Variants in CNTN5 observed in about 807,000 individuals in gnomAD.
CNTN5 encodes the protein contactin 5, also known as contactin-5.
CNTN5 carries 77 observed loss-of-function variants against 129.1 expected under a neutral mutation model. The observed-to-expected ratio is 0.60, with a 90% CI of 0.50 to 0.72. The LOEUF is 0.72. Ranked by LOEUF, CNTN5 falls within the 30% of genes least tolerant of loss-of-function variation. The pLI is 0.00. For missense variants in CNTN5, 1,478 were observed against 1,328.8 expected (o/e 1.11, Z -1.75); for synonymous variants, 509 against 465.6 (o/e 1.09, Z -1.20).
intron 1 of CNTN5, among the ~76,000 whole-genome samples, chr11:99,312,252 T>C (rs935242307): frequency 2.0e-5 from 3 of 152,182 alleles, no homozygotes; most frequent in Non-Finnish European, 4.4e-5. Flanking sequence ...AGTGGCAGTG[T>C]TTGAGAGGGA....
At chr11:100,059,237 G>C (rs78441517) in intron 9 of CNTN5, among the ~76,000 whole-genome samples, 4,749 of 152,072 alleles carry the variant, frequency 0.031, 116 homozygotes, top group African/African-American at 0.073. Flanking sequence ...AACAAATATA[G>C]TCCAGTTGGG....
chr11:99,934,947 T>TAC (rs376959710), intron 7 of CNTN5, among the ~76,000 whole-genome samples: 6 of 79,120 alleles, frequency 7.6e-5, no homozygotes, highest in African/African-American at 3.6e-4. Context: ...TATATATATA[T>TAC]ACACACACAT....
intron 14 of CNTN5, among the ~76,000 whole-genome samples, chr11:100,192,674 C>A (rs1948527034): frequency 6.6e-6 from 1 of 151,990 alleles, no homozygotes; most frequent in South Asian, 2.1e-4. Context: ...AACACATCAT[C>A]TTGTAATCAG....
At chr11:99,706,915 C>G (rs1009729592) in intron 3 of CNTN5, among the ~76,000 whole-genome samples, 2 of 149,534 alleles carry the variant, frequency 1.3e-5, no homozygotes, top group Non-Finnish European at 3.0e-5. Context: ...GTTTGAAGTT[C>G]ACAAAGTGTA....
chr11:99,868,828 A>G (rs1948425475), intron 6 of CNTN5, among the ~76,000 whole-genome samples: 1 of 152,220 alleles, frequency 6.6e-6, no homozygotes, highest in Non-Finnish European at 1.5e-5. Flanking sequence ...CACATTCATC[A>G]GCAAATAAGA....
chr11:99,053,760 T>A (rs2135184389), intron 1 of CNTN5, among the ~76,000 whole-genome samples: 1 of 152,090 alleles, frequency 6.6e-6, no homozygotes, highest in African/African-American at 2.4e-5. Context: ...CCTAACAAGA[T>A]AAAACCATTA....
intron 3 of CNTN5, among the ~76,000 whole-genome samples, chr11:99,722,002 G>A (rs1943189061): frequency 6.6e-6 from 1 of 152,150 alleles, no homozygotes; most frequent in Non-Finnish European, 1.5e-5. Context: ...TGGGGTTGCT[G>A]AGAAAAGGGG....
chr11:99,071,894 T>C (rs953510722), intron 1 of CNTN5, among the ~76,000 whole-genome samples: 7 of 151,800 alleles, frequency 4.6e-5, no homozygotes, highest in Non-Finnish European at 1.0e-4. Flanking sequence ...AACCTTCCCA[T>C]AAGAAAAGTT....
At chr11:99,257,567 T>G (rs183464817) in intron 1 of CNTN5, among the ~76,000 whole-genome samples, 129 of 152,210 alleles carry the variant, frequency 8.5e-4, no homozygotes, top group African/African-American at 2.8e-3. Flanking sequence ...AAAAAAGGTG[T>G]AATTTTTTAT....
intron 3 of CNTN5, among the ~76,000 whole-genome samples, chr11:99,568,432 T>C (rs1012843449): frequency 6.6e-6 from 1 of 152,232 alleles, no homozygotes; most frequent in Non-Finnish European, 1.5e-5. Flanking sequence ...TAAAATATGC[T>C]TGCTTATGGT....
intron 13 of CNTN5, among the ~76,000 whole-genome samples, chr11:100,158,861 A>C (rs12278320): frequency 0.016 from 2,368 of 152,016 alleles, 67 homozygotes; most frequent in African/African-American, 0.054. Flanking sequence ...GTACATGTGC[A>C]TACAACAATG....
At chr11:99,826,709 C>G (rs1177440483) in intron 4 of CNTN5, among the ~76,000 whole-genome samples, 2 of 152,134 alleles carry the variant, frequency 1.3e-5, no homozygotes, top group Non-Finnish European at 2.9e-5. Context: ...ATAGTTGTAG[C>G]AAAGTATGAA....
Position 99,132,650 on chromosome 11 carries a change from C to A in CNTN5, c.-210+111380C>A, listed in dbSNP as rs148608885. Among the ~76,000 whole-genome samples the A allele has an allele frequency of 8.5e-3, 1,287 of 152,156 alleles. 22 individuals are homozygous for A. The highest frequency in any genetic ancestry group is 0.029 in the African/African-American group (1,195 of 41,514). ...GCCAAATCATGAATGAACTCCCATTCATAATTGCCACAAAAAGAATAAAAT... is the reference window on the plus strand; with the variant it reads ...GCCAAATCATGAATGAACTCCCATTAATAATTGCCACAAAAAGAATAAAAT... On this transcript the variant is annotated intron_variant, in intron 1 of 24. Coordinates refer to ENST00000524871, the MANE Select transcript of CNTN5 (RefSeq NM_014361.4).
chr11:99,434,504 T>C (rs945860287), intron 2 of CNTN5, among the ~76,000 whole-genome samples: 5 of 152,158 alleles, frequency 3.3e-5, no homozygotes, highest in Admixed American at 1.3e-4. Context: ...ATGCATAGCT[T>C]TTAATTTTCT....
rs1420866804 is a variant in CNTN5 at position 99,645,259 on chromosome 11, CAACAAAAAA to C, written c.55+88993_55+89001del. Among the ~76,000 whole-genome samples the C allele has an allele frequency of 8.7e-4, 59 of 67,918 alleles. 1 individual carries two copies. The highest frequency in any genetic ancestry group is 3.6e-3 in the African/African-American group (57 of 15,836). The allele number at this position is 67,918 out of a possible 152,430, so 44.6% of individuals were successfully genotyped here. ...TGGGCAACAGAGCGAGGCTCCATCT[CAACAAAAAA>C]AAAAAAAAAAAAAAAAAAAGATTGA... On this transcript the variant is annotated intron_variant, in intron 3 of 24. Transcript: ENST00000524871.
At position 99,666,270 on chromosome 11, in the gene CNTN5, AT is replaced by A. The variant is rs1230441614; in HGVS notation, c.55+110003del. 3.9e-5 allele frequency among the ~76,000 whole-genome samples: 6 copies of A among 152,156 alleles called. 1 individual carries two copies. Among genetic ancestry groups the A allele is most frequent in the Non-Finnish European group, 7.4e-5 (5 of 68,014 alleles). Reference sequence around the variant, plus strand: ...GGCATGAGCCACTGCGGCCAGTCAAATTCTTAACTTTTAACTTAAAAAGTTA... The same window carrying A: ...GGCATGAGCCACTGCGGCCAGTCAAATCTTAACTTTTAACTTAAAAAGTTA... On this transcript the variant is annotated intron_variant, in intron 3 of 24. Coordinates refer to ENST00000524871, the MANE Select transcript of CNTN5 (RefSeq NM_014361.4).
At chr11:99,887,725 A>C (rs1378243759) in intron 6 of CNTN5, among the ~76,000 whole-genome samples, 2 of 152,226 alleles carry the variant, frequency 1.3e-5, no homozygotes, top group Non-Finnish European at 2.9e-5. Context: ...AAGCTGAAGA[A>C]CTTGGAGTCT....
intron 1 of CNTN5, among the ~76,000 whole-genome samples, chr11:99,200,542 T>G (rs942081296): frequency 6.6e-6 from 1 of 152,224 alleles, no homozygotes; most frequent in African/African-American, 2.4e-5. Flanking sequence ...TAATTATTAC[T>G]GTGGCTGCAC....
chr11:99,082,311 A>G (rs557581225), intron 1 of CNTN5, among the ~76,000 whole-genome samples: 14 of 151,302 alleles, frequency 9.3e-5, no homozygotes, highest in African/African-American at 3.4e-4. Flanking sequence ...TCAGGCTGTG[A>G]GTAGCTGGGA....
Sources: gnomAD v4.1 joint callset for allele counts (sites outside exome capture counted in the v4.1 genomes callset) on GRCh38, gnomAD v4.1.1 for gene constraint, MANE v1.5 for transcripts, NCBI Gene and HGNC (gene_info 2026-07-23, HGNC 2026-07-21) for gene names.